Variants in C8orf34 observed in about 807,000 individuals in gnomAD.
C8orf34 encodes the protein uncharacterized protein C8orf34.
A neutral mutation model predicts 68.3 loss-of-function variants in C8orf34; 65 were observed. That is an observed-to-expected ratio of 0.95 (90% CI 0.78 to 1.17). C8orf34 has a LOEUF of 1.17. C8orf34 is among the 50% of genes most tolerant of loss of function. C8orf34 has a pLI of 0.00. For synonymous variants in C8orf34, 244 were observed against 241.2 expected (o/e 1.01, Z -0.11); for missense variants, 664 against 655.4 (o/e 1.01, Z -0.14).
intron 1 of C8orf34, among the ~76,000 whole-genome samples, chr8:68,354,223 C>A (rs1323362123): frequency 6.6e-6 from 1 of 151,944 alleles, no homozygotes; most frequent in Non-Finnish European, 1.5e-5. Flanking sequence ...ATATTTTATC[C>A]ATAATATAGT....
intron 3 of C8orf34, among the ~76,000 whole-genome samples, chr8:68,465,135 G>A (rs1812053178): frequency 2.0e-5 from 3 of 152,184 alleles, no homozygotes; most frequent in Middle Eastern, 3.4e-3. Flanking sequence ...CAAAAAGTGG[G>A]CAAAGGACAT....
At chr8:68,578,677 C>T (rs868140553) in intron 7 of C8orf34, among the ~76,000 whole-genome samples, 2 of 144,672 alleles carry the variant, frequency 1.4e-5, no homozygotes, top group Non-Finnish European at 2.9e-5. Context: ...GATCTATATT[C>T]TGAGGAAATT....
chr8:68,535,643 A>T, intron 7 of C8orf34: 2 of 677,892 alleles, frequency 3.0e-6, no homozygotes, highest in Non-Finnish European at 1.8e-6. Flanking sequence ...GTTTAATTAT[A>T]TATTTGTGGA....
At chr8:68,530,146 A>G (rs1815182856) in intron 6 of C8orf34, among the ~76,000 whole-genome samples, 1 of 152,114 alleles carries the variant, frequency 6.6e-6, no homozygotes, top group African/African-American at 2.4e-5. Flanking sequence ...TAATTGATTT[A>G]TTAAACAGAC....
chr8:68,582,073 A>G lies in C8orf34; in HGVS notation c.1105+48924A>G, dbSNP rs147994493. 4.8e-3 allele frequency among the ~76,000 whole-genome samples: 735 copies of G among 152,258 alleles called. 6 individuals are homozygous for G. The highest frequency in any genetic ancestry group is 0.017 in the African/African-American group (709 of 41,564). On this transcript the variant is annotated intron_variant, in intron 7 of 13. Coordinates refer to ENST00000518698, the MANE Select transcript of C8orf34 (RefSeq NM_052958.4). ...TAAGAGTTACAGCTGGCACTCCTAT[A>G]ACAAAAGTCAGGGTAACCGGAGAAA...
chr8:68,694,401 C>T (rs1216558357), intron 8 of C8orf34, among the ~76,000 whole-genome samples: 2 of 152,002 alleles, frequency 1.3e-5, no homozygotes, highest in East Asian at 3.9e-4. Context: ...ATAGAAATTG[C>T]CATGACAGAA....
intron 7 of C8orf34, among the ~76,000 whole-genome samples, chr8:68,537,321 CTT>C (rs1469794903): frequency 5.3e-5 from 8 of 151,744 alleles, no homozygotes; most frequent in Non-Finnish European, 7.4e-5. Flanking sequence ...CATAGAAACT[CTT>C]TTTATCTCTT....
chr8:68,359,757 C>T (rs914905706), intron 1 of C8orf34, among the ~76,000 whole-genome samples: 12 of 152,082 alleles, frequency 7.9e-5, no homozygotes, highest in Non-Finnish European at 1.6e-4. Flanking sequence ...CCTGCACCCT[C>T]GGTCTTTGTA....
intron 1 of C8orf34, among the ~76,000 whole-genome samples, chr8:68,422,411 A>G (rs553901599): frequency 4.1e-4 from 63 of 152,336 alleles, no homozygotes; most frequent in African/African-American, 1.4e-3. Context: ...CCAATAGGGA[A>G]GTCATTAAAA....
intron 7 of C8orf34, among the ~76,000 whole-genome samples, chr8:68,578,642 C>CTA (rs545258846): frequency 6.9e-4 from 102 of 148,778 alleles, no homozygotes; most frequent in Middle Eastern, 3.4e-3. Context: ...AGATTAAATA[C>CTA]TATATATATA....
intron 12 of C8orf34, among the ~76,000 whole-genome samples, chr8:68,803,497 C>A (rs1824392239): frequency 6.6e-6 from 1 of 151,500 alleles, no homozygotes. Context: ...ATTTCTTAAT[C>A]TAAAAAAAAA....
At chr8:68,784,292 A>C (rs924212110) in intron 11 of C8orf34, among the ~76,000 whole-genome samples, 1 of 152,210 alleles carries the variant, frequency 6.6e-6, no homozygotes, top group African/African-American at 2.4e-5. Flanking sequence ...CATCATAATT[A>C]GATTGGGTTA....
chr8:68,700,391 G>A (rs546253566), intron 8 of C8orf34, among the ~76,000 whole-genome samples: 3 of 152,040 alleles, frequency 2.0e-5, no homozygotes, highest in Non-Finnish European at 4.4e-5. Context: ...AGAGCGAGAC[G>A]GAGTTAAATG....
chr8:68,764,787 A>G (rs1483700091), intron 10 of C8orf34, among the ~76,000 whole-genome samples: 1 of 152,176 alleles, frequency 6.6e-6, no homozygotes, highest in Non-Finnish European at 1.5e-5. Flanking sequence ...GGACTTGCTA[A>G]GGATGCCGTC....
At chr8:68,677,353 A>T (rs1331761713) in intron 8 of C8orf34, among the ~76,000 whole-genome samples, 1 of 151,994 alleles carries the variant, frequency 6.6e-6, no homozygotes, top group Non-Finnish European at 1.5e-5. Flanking sequence ...CAACCTAATG[A>T]TGCATCTTTT....
chr8:68,356,294 A>G (rs1585974919), intron 1 of C8orf34, among the ~76,000 whole-genome samples: 1 of 152,296 alleles, frequency 6.6e-6, no homozygotes, highest in East Asian at 1.9e-4. Context: ...TTCAACAGCT[A>G]TTAAGTTCTT....
At chr8:68,559,849 C>T (rs1411546065) in intron 7 of C8orf34, among the ~76,000 whole-genome samples, 1 of 152,112 alleles carries the variant, frequency 6.6e-6, no homozygotes, top group Non-Finnish European at 1.5e-5. Flanking sequence ...TGTGGGTGGG[C>T]TCCACCTGAA....
At chr8:68,497,664 A>G (rs1430805635) in intron 5 of C8orf34, among the ~76,000 whole-genome samples, 1 of 152,236 alleles carries the variant, frequency 6.6e-6, no homozygotes, top group East Asian at 1.9e-4. Context: ...ACAAGACAGT[A>G]CTATACAGCT....
intron 3 of C8orf34, among the ~76,000 whole-genome samples, chr8:68,456,656 A>T (rs1361079105): frequency 1.3e-5 from 2 of 152,072 alleles, no homozygotes; most frequent in Admixed American, 1.3e-4. Context: ...GCAAGGTAAC[A>T]TTATATTATC....
Sources: gnomAD v4.1 joint callset for allele counts (sites outside exome capture counted in the v4.1 genomes callset) on GRCh38, gnomAD v4.1.1 for gene constraint, MANE v1.5 for transcripts, NCBI Gene and HGNC (gene_info 2026-07-23, HGNC 2026-07-21) for gene names.